ROR1: variants seen among roughly 807,000 people sequenced by gnomAD.
ROR1 encodes the protein ROR family WNT receptor 1.
ROR1 carries 19 observed loss-of-function variants against 78.8 expected under a neutral mutation model. The observed-to-expected ratio is 0.24, with a 90% CI of 0.17 to 0.35. The LOEUF (loss-of-function observed/expected upper bound fraction) is 0.35, where lower values mean the gene tolerates loss of function less well. Ranked by LOEUF, ROR1 falls within the 10% of genes least tolerant of loss-of-function variation. ROR1 has a pLI of 1.00. For synonymous variants in ROR1, 386 were observed against 433.6 expected, an observed-to-expected ratio of 0.89 and a Z score of 1.36; for missense variants, 917 against 1,177.8, an observed-to-expected ratio of 0.78 and a Z score of 3.24.
chr1:63,825,545 A>C (rs1337436786), intron 1 of ROR1, among the ~76,000 whole-genome samples: 1 of 152,242 alleles, frequency 6.6e-6, no homozygotes, highest in Non-Finnish European at 1.5e-5. Flanking sequence ...CGTCACTTCT[A>C]GGAGCAGCAG....
intron 4 of ROR1, among the ~76,000 whole-genome samples, chr1:64,109,120 T>C (rs989899475): frequency 2.6e-5 from 4 of 152,036 alleles, no homozygotes; most frequent in African/African-American, 9.7e-5. Context: ...TCTGCATCTT[T>C]AGTCCATCCT....
intron 1 of ROR1, chr1:63,843,082 C>G (rs938837419): frequency 2.3e-5 from 12 of 532,818 alleles, no homozygotes; most frequent in African/African-American, 2.1e-4. Context: ...TGCCCTCCCC[C>G]TGCTGGGATC....
At chr1:63,837,762 AGTGAACC>A (rs1183903478) in intron 1 of ROR1, among the ~76,000 whole-genome samples, 3 of 152,196 alleles carry the variant, frequency 2.0e-5, no homozygotes, top group African/African-American at 7.2e-5. Flanking sequence ...TTGAGGCTGC[AGTGAACC>A]GTGATTGTGC....
chr1:63,930,960 A>C (rs746978139), intron 1 of ROR1, among the ~76,000 whole-genome samples: 1 of 152,202 alleles, frequency 6.6e-6, no homozygotes, highest in Non-Finnish European at 1.5e-5. Flanking sequence ...TCATCTCAAT[A>C]TCAGTACTCA....
At chr1:64,030,865 G>T (rs1225667199) in intron 2 of ROR1, among the ~76,000 whole-genome samples, 2 of 151,884 alleles carry the variant, frequency 1.3e-5, no homozygotes, top group Non-Finnish European at 2.9e-5. Context: ...TGAATTAGGG[G>T]TGTGTGTGTG....
intron 4 of ROR1, among the ~76,000 whole-genome samples, chr1:64,112,956 A>G (rs181500814): frequency 1.3e-3 from 197 of 152,344 alleles, no homozygotes; most frequent in African/African-American, 4.6e-3. Context: ...TAATTTGCAC[A>G]GTAGCCAGTA....
chr1:63,987,598 T>C (rs1432882749), intron 1 of ROR1, among the ~76,000 whole-genome samples: 1 of 152,196 alleles, frequency 6.6e-6, no homozygotes, highest in African/African-American at 2.4e-5. Flanking sequence ...GAAATTCAGT[T>C]TTAATTTATC....
At chr1:64,011,187 A>T (rs953478536) in intron 2 of ROR1, among the ~76,000 whole-genome samples, 3 of 152,184 alleles carry the variant, frequency 2.0e-5, no homozygotes, top group Non-Finnish European at 2.9e-5. Context: ...GCCAAATTTG[A>T]CCTGACATTA....
At chr1:63,777,648 C>A (rs1295871102) in intron 1 of ROR1, among the ~76,000 whole-genome samples, 2 of 152,112 alleles carry the variant, frequency 1.3e-5, no homozygotes, top group Non-Finnish European at 2.9e-5. Flanking sequence ...GAGCATAGGC[C>A]CCCAGTTAGA....
chr1:63,945,193 G>A (rs1645874485), intron 1 of ROR1, among the ~76,000 whole-genome samples: 1 of 152,138 alleles, frequency 6.6e-6, no homozygotes, highest in African/African-American at 2.4e-5. Flanking sequence ...GTCACTTGGA[G>A]ACTTGTTAAG....
intron 2 of ROR1, among the ~76,000 whole-genome samples, chr1:64,041,517 C>G (rs1382277487): frequency 1.3e-5 from 2 of 152,208 alleles, no homozygotes; most frequent in Non-Finnish European, 2.9e-5. Context: ...CACATGCTAA[C>G]TGGGCTTCCT....
At chr1:64,160,942 G>C (rs568183198) in intron 8 of ROR1, among the ~76,000 whole-genome samples, 2 of 152,200 alleles carry the variant, frequency 1.3e-5, no homozygotes, top group African/African-American at 2.4e-5. Flanking sequence ...AACCATGGAA[G>C]AATCATTTCC....
chr1:63,946,510 A>G (rs902221919), intron 1 of ROR1, among the ~76,000 whole-genome samples: 13 of 152,214 alleles, frequency 8.5e-5, no homozygotes, highest in Admixed American at 3.9e-4. Flanking sequence ...ACAGTGTGGA[A>G]TGGCTAAATC....
intron 1 of ROR1, among the ~76,000 whole-genome samples, chr1:63,918,952 G>A (rs1645631809): frequency 6.6e-6 from 1 of 152,166 alleles, no homozygotes; most frequent in African/African-American, 2.4e-5. Context: ...AGTTTGCTAA[G>A]CAAATAAAAC....
chr1:63,953,007 G>A (rs1323516907), intron 1 of ROR1, among the ~76,000 whole-genome samples: 1 of 152,086 alleles, frequency 6.6e-6, no homozygotes, highest in Non-Finnish European at 1.5e-5. Context: ...AAATTATGGG[G>A]CATTAATCCT....
At chr1:64,010,379 T>C in intron 2 of ROR1, among the ~76,000 whole-genome samples, 1 of 151,576 alleles carries the variant, frequency 6.6e-6, no homozygotes, top group African/African-American at 2.4e-5. Context: ...TTTTTTTTTT[T>C]TGGTCTCCAT....
chr1:64,028,703 A>C (rs1446531345), intron 2 of ROR1, among the ~76,000 whole-genome samples: 1 of 152,182 alleles, frequency 6.6e-6, no homozygotes, highest in Non-Finnish European at 1.5e-5. Context: ...TTTTTGAGAT[A>C]TTTTGGTACA....
intron 8 of ROR1, among the ~76,000 whole-genome samples, chr1:64,170,875 C>T (rs540263354): frequency 2.0e-5 from 3 of 152,308 alleles, no homozygotes; most frequent in Non-Finnish European, 4.4e-5. Flanking sequence ...CAAGAGTCAC[C>T]TCTGCTTCAG....
chr1:63,953,404 A>G (rs1227406660), intron 1 of ROR1, among the ~76,000 whole-genome samples: 1 of 152,216 alleles, frequency 6.6e-6, no homozygotes, highest in Non-Finnish European at 1.5e-5. Context: ...TACCTATGAC[A>G]ACAATAATAA....
Sources: gnomAD v4.1 joint callset for allele counts (sites outside exome capture counted in the v4.1 genomes callset) on GRCh38, gnomAD v4.1.1 for gene constraint, MANE v1.5 for transcripts, NCBI Gene and HGNC (gene_info 2026-07-23, HGNC 2026-07-21) for gene names.